PPP2R2B: variants seen among roughly 807,000 people sequenced by gnomAD.
PPP2R2B encodes the protein protein phosphatase 2 regulatory subunit Bbeta.
A neutral mutation model predicts 46.0 loss-of-function variants in PPP2R2B; 5 were observed. That is an observed-to-expected ratio of 0.11 (90% CI 0.06 to 0.23). The LOEUF is 0.23. Among genes scored for constraint, PPP2R2B ranks in the 10% least tolerant of loss-of-function variants. The probability of loss-of-function intolerance (pLI) is 1.00; values close to 1 mark genes in which losing one functional copy is unlikely to be tolerated. For synonymous variants in PPP2R2B, 215 were observed against 206.7 expected, an observed-to-expected ratio of 1.04 and a Z score of -0.34; for missense variants, 367 against 575.0, an observed-to-expected ratio of 0.64 and a Z score of 3.70.
At chr5:146,890,301 A>T (rs1465043911) in intron 1 of PPP2R2B, among the ~76,000 whole-genome samples, 1 of 152,212 alleles carries the variant, frequency 6.6e-6, no homozygotes, top group African/African-American at 2.4e-5. Context: ...GAGGAGCTGT[A>T]TCAGTCCTCC....
At chr5:146,927,509 G>A (rs906662534) in intron 1 of PPP2R2B, among the ~76,000 whole-genome samples, 4 of 152,134 alleles carry the variant, frequency 2.6e-5, no homozygotes, top group African/African-American at 7.2e-5. Flanking sequence ...TCTAAACACC[G>A]CTTGCCATCT....
intron 5 of PPP2R2B, among the ~76,000 whole-genome samples, chr5:146,677,532 C>T (rs1777818612): frequency 7.4e-6 from 1 of 135,806 alleles, no homozygotes; most frequent in South Asian, 3.1e-4. Flanking sequence ...TCCCTCCCTC[C>T]CTCCCTCCCT....
At chr5:146,916,651 C>CA (rs1561516512) in intron 1 of PPP2R2B, among the ~76,000 whole-genome samples, 1 of 152,118 alleles carries the variant, frequency 6.6e-6, no homozygotes, top group Non-Finnish European at 1.5e-5. Flanking sequence ...AGTCCATACT[C>CA]ACTCAGCTCC....
rs113109890 is a variant in PPP2R2B at position 146,687,122 on chromosome 5, G to T, written c.447+4006C>A. ...AGAGGGAGAGGGAGAGAGAGGGAGC[G>T]ATTGATCGATTAATCCCCTCACCTG... On this transcript the variant is annotated intron_variant, in intron 5 of 9. Transcript: ENST00000394411. 1.5e-3 allele frequency among the ~76,000 whole-genome samples: 230 copies of T among 151,524 alleles called. 1 individual carries two copies. Among genetic ancestry groups the T allele is most frequent in the African/African-American group, 5.0e-3 (206 of 41,202 alleles).
intron 8 of PPP2R2B, among the ~76,000 whole-genome samples, chr5:146,597,789 C>T (rs1293160314): frequency 1.3e-5 from 2 of 152,222 alleles, no homozygotes; most frequent in African/African-American, 2.4e-5. Context: ...AAAGAAAACA[C>T]CTACATGTTC....
chr5:147,015,263 C>T (rs929610883), intron 1 of PPP2R2B, among the ~76,000 whole-genome samples: 2 of 150,884 alleles, frequency 1.3e-5, no homozygotes, highest in African/African-American at 4.8e-5. Flanking sequence ...TATCATTGCC[C>T]TGTTTTAAAA....
intron 1 of PPP2R2B, among the ~76,000 whole-genome samples, chr5:147,031,032 C>G (rs575770384): frequency 1.2e-4 from 18 of 152,144 alleles, no homozygotes; most frequent in African/African-American, 4.3e-4. Context: ...GTCAGGAGAT[C>G]GAGACCATCC....
intron 1 of PPP2R2B, chr5:147,040,692 T>G (rs2151896574): frequency 2.3e-6 from 1 of 434,182 alleles, no homozygotes; most frequent in East Asian, 7.0e-5. Context: ...TGTTAGGTAC[T>G]CCGTGTGAGG....
chr5:146,942,575 T>C (rs975668551), intron 1 of PPP2R2B, among the ~76,000 whole-genome samples: 2 of 152,182 alleles, frequency 1.3e-5, no homozygotes, highest in Non-Finnish European at 2.9e-5. Flanking sequence ...AAAATATGCA[T>C]TTTTATACAT....
chr5:146,949,888 T>C (rs1355382182), intron 1 of PPP2R2B, among the ~76,000 whole-genome samples: 23 of 152,048 alleles, frequency 1.5e-4, no homozygotes, highest in Non-Finnish European at 2.8e-4. Flanking sequence ...GTACATTATG[T>C]TAAGTAAAAT....
chr5:146,668,885 G>C (rs991897355), intron 5 of PPP2R2B, among the ~76,000 whole-genome samples: 2 of 152,168 alleles, frequency 1.3e-5, no homozygotes, highest in South Asian at 4.1e-4. Context: ...CGGGTGGCAT[G>C]GACAGAGGTT....
At chr5:146,703,479 G>A (rs888734899) in intron 2 of PPP2R2B, among the ~76,000 whole-genome samples, 2 of 152,156 alleles carry the variant, frequency 1.3e-5, no homozygotes, top group African/African-American at 4.8e-5. Context: ...CTAGAGTTCT[G>A]GGTGGGCTGC....
At chr5:147,078,024 A>T (rs1366765514) in intron 2 of PPP2R2B, among the ~76,000 whole-genome samples, 1 of 152,202 alleles carries the variant, frequency 6.6e-6, no homozygotes, top group Non-Finnish European at 1.5e-5. Flanking sequence ...AGTCCCAAAG[A>T]CTGGGTTTGA....
chr5:146,923,522 CA>C (rs1302290148), intron 1 of PPP2R2B, among the ~76,000 whole-genome samples: 1 of 152,192 alleles, frequency 6.6e-6, no homozygotes, highest in African/African-American at 2.4e-5. Context: ...TCCTAATAAA[CA>C]GATCAGCTTA....
chr5:147,075,579 A>C (rs1041098330), intron 2 of PPP2R2B, among the ~76,000 whole-genome samples: 1 of 152,052 alleles, frequency 6.6e-6, no homozygotes, highest in African/African-American at 2.4e-5. Context: ...CCTCATAGCT[A>C]CTTCCTATTA....
intron 2 of PPP2R2B, among the ~76,000 whole-genome samples, chr5:146,845,447 G>A (rs983855232): frequency 6.7e-6 from 1 of 150,308 alleles, no homozygotes; most frequent in Non-Finnish European, 1.5e-5. Flanking sequence ...TAGAGACGGG[G>A]TTTCACCGTG....
Position 146,877,964 on chromosome 5 carries a change from C to A in PPP2R2B, c.70+38G>T, listed in dbSNP as rs763304138. On this transcript the variant is annotated intron_variant, in intron 2 of 9. Transcript: ENST00000394411. Reference sequence around the variant, plus strand: ...AAGCACAGTGATCCGCAACTTGCGCCCGGCCCCAACGGCGGAATGCGGCGG... The same window carrying A: ...AAGCACAGTGATCCGCAACTTGCGCACGGCCCCAACGGCGGAATGCGGCGG... 14 of 1,599,784 alleles carry A rather than the reference C, an allele frequency of 8.8e-6. No homozygotes were observed. In the African/African-American group the frequency reaches 1.7e-4, roughly 20 times the overall value.
At chr5:146,757,960 A>C (rs536297084) in intron 2 of PPP2R2B, among the ~76,000 whole-genome samples, 32 of 152,286 alleles carry the variant, frequency 2.1e-4, no homozygotes, top group Middle Eastern at 3.4e-3. Context: ...AGCTGAGTAG[A>C]CATAAGGAGA....
chr5:146,623,232 A>G (rs1226181044), intron 7 of PPP2R2B, among the ~76,000 whole-genome samples: 1 of 152,274 alleles, frequency 6.6e-6, no homozygotes, highest in Admixed American at 6.5e-5. Context: ...TTGGGTACAC[A>G]TAGGATATGC....
Sources: allele counts gnomAD v4.1 joint callset (sites outside exome capture counted in the v4.1 genomes callset), GRCh38; gene constraint gnomAD v4.1.1; transcripts MANE v1.5; gene names NCBI Gene and HGNC (gene_info 2026-07-23, HGNC 2026-07-21).